CTTN: variants seen among roughly 807,000 people sequenced by gnomAD.
The protein encoded by CTTN is cortactin.
Under a neutral mutation model 84.0 loss-of-function variants are expected in CTTN, and 28 were observed. That is an observed-to-expected ratio of 0.33 (90% CI 0.25 to 0.46). The LOEUF (loss-of-function observed/expected upper bound fraction) is 0.46. CTTN is among the 20% of genes least tolerant of loss of function. The probability of loss-of-function intolerance (pLI) is 1.00; values close to 1 mark genes in which losing one functional copy is unlikely to be tolerated. For missense variants in CTTN, 641 were observed against 723.8 expected (o/e 0.89, Z 1.31); for synonymous variants, 301 against 288.8 (o/e 1.04, Z -0.43).
Position 70,432,050 on chromosome 11 carries a change from A to T in CTTN, c.1266+770A>T, listed in dbSNP as rs541010004. On this transcript the variant is annotated intron_variant, in intron 15 of 17. Transcript: ENST00000301843. ...GTCACACTCCAGACCATGGTAGTTC[A>T]GGAGCCCAGAGAGAGCCCTGGAGAC... Among the ~76,000 whole-genome samples the T allele has an allele frequency of 3.3e-5, 5 of 152,272 alleles. No individual in the cohort carries two copies. In the South Asian group the frequency reaches 8.3e-4, roughly 25 times the overall value.
chr11:70,415,586 A>T, intron 6 of CTTN, 77 bp from the exon 7 acceptor site: 1 of 1,272,548 alleles, frequency 7.9e-7, no homozygotes, highest in Non-Finnish European at 1.1e-6. Context: ...ATGTCATGTC[A>T]TGAATTCAGA....
rs1234055137 is a variant in CTTN, at chr11:70,420,464, T to G, written c.744T>G (p.Leu248=). The G allele has an allele frequency of 6.2e-7, 1 of 1,614,258 alleles. No individual in the cohort carries two copies. Among genetic ancestry groups the G allele is most frequent in the East Asian group, 2.2e-5 (1 of 44,888 alleles). The part of the protein sequence containing the change: ...VQTDRQDKCA[L]GWDHQEKLQL... ...CAGACAGACAAGACAAATGTGCCCT[T>G]GGCTGGGATCACCAGGAGAAATTGC... Residue 248 remains leucine (L), a synonymous_variant, in exon 10 of 18, where the codon CTT becomes CTG. Transcript: ENST00000301843.
chr11:70,430,255 CCTGTGCCTGCCACCTCACCCTCAGACT>C (rs1304904415), intron 14 of CTTN, among the ~76,000 whole-genome samples: 1 of 152,210 alleles, frequency 6.6e-6, no homozygotes, highest in East Asian at 1.9e-4. Context: ...GGCCAGTGTG[CCTGTGCCTGCCACCTCACCCTCAGACT>C]CAGCGTCTGG....
At chr11:70,422,378 TG>T in intron 11 of CTTN, 1 of 616,602 alleles carries the variant, frequency 1.6e-6, no homozygotes, top group Non-Finnish European at 2.6e-6. Flanking sequence ...GCAGACTGCA[TG>T]GAGATGGCAG....
intron 5 of CTTN, among the ~76,000 whole-genome samples, chr11:70,414,251 A>G (rs2058130886): frequency 6.6e-6 from 1 of 151,922 alleles, no homozygotes. Context: ...AGGCTGAGGC[A>G]GGAGAATGGC....
intron 5 of CTTN, among the ~76,000 whole-genome samples, chr11:70,412,672 G>A (rs1421811637): frequency 6.6e-6 from 1 of 152,138 alleles, no homozygotes; most frequent in Non-Finnish European, 1.5e-5. Flanking sequence ...CCTTTCCCTT[G>A]CGGCCAGCGG....
intron 7 of CTTN, 148 bp downstream of exon 7, chr11:70,415,865 C>A (rs989217512): frequency 2.8e-5 from 20 of 726,246 alleles, no homozygotes; most frequent in Non-Finnish European, 4.7e-5. Context: ...GTGGCTGTTG[C>A]CACAAGGAGG....
intron 5 of CTTN, among the ~76,000 whole-genome samples, chr11:70,410,976 C>T (rs1368563351): frequency 2.0e-5 from 3 of 152,106 alleles, no homozygotes; most frequent in East Asian, 1.9e-4. Context: ...CAAACCACGA[C>T]CATAAATAGC....
At position 70,435,906 on chromosome 11, in the gene CTTN, C is replaced by T. The variant is rs115120216; in HGVS notation, c.*744C>T. The T allele has an allele frequency of 1.1e-4, 157 of 1,471,712 alleles. No homozygotes were observed. The African/African-American group carries it at 1.8e-3, about 17-fold the overall frequency. 91.2% of individuals were successfully genotyped at this position (1,471,712 alleles called of 1,614,324 possible). A position where few individuals can be genotyped will look rare whatever the true frequency, so the allele number is the denominator to read the frequency against. On this transcript the variant is annotated 3_prime_UTR_variant, in exon 18 of 18. Coordinates refer to ENST00000301843, the MANE Select transcript of CTTN (RefSeq NM_005231.4). ...GTCCTTGAAATCCTCCCCTGCCCCGCGGGTCTCTGGATTGGGACGCACAGT... is the reference window on the plus strand; with the variant it reads ...GTCCTTGAAATCCTCCCCTGCCCCGTGGGTCTCTGGATTGGGACGCACAGT...
intron 4 of CTTN, chr11:70,407,871 T>C (rs2058060852): frequency 2.5e-6 from 1 of 408,012 alleles, no homozygotes; most frequent in African/African-American, 2.0e-5. Context: ...AGTGTCCGCT[T>C]CTCAGTATTG....
chr11:70,436,156 A>G lies in CTTN; in HGVS notation c.*994A>G, dbSNP rs2058415223. 6.8e-7 allele frequency: 1 copy of G among 1,460,856 alleles called. No homozygotes were observed. The highest frequency in any genetic ancestry group is 9.0e-7 in the Non-Finnish European group (1 of 1,114,268). 90.5% of individuals were successfully genotyped at this position (1,460,856 alleles called of 1,614,324 possible). On this transcript the variant is annotated 3_prime_UTR_variant, in exon 18 of 18. Coordinates refer to ENST00000301843, the MANE Select transcript of CTTN (RefSeq NM_005231.4). ...TATTTTTGCCAAAATATCATGTTCA[A>G]TTTCAGTAGTTTGATCAGTTGAAGG...
At chr11:70,430,675 T>G (rs1265352084) in intron 14 of CTTN, among the ~76,000 whole-genome samples, 3 of 152,214 alleles carry the variant, frequency 2.0e-5, no homozygotes, top group Non-Finnish European at 2.9e-5. Context: ...AGTTCATCCT[T>G]TGGCCCCTAA....
At chr11:70,400,118 T>A (rs1038243599) in intron 1 of CTTN, among the ~76,000 whole-genome samples, 6 of 152,208 alleles carry the variant, frequency 3.9e-5, no homozygotes, top group African/African-American at 1.4e-4. Flanking sequence ...GTTTTGATAT[T>A]AGGTCCCCTA....
intron 8 of CTTN, 96 bp downstream of exon 8, chr11:70,417,219 A>T: frequency 1.0e-6 from 1 of 956,118 alleles, no homozygotes; most frequent in Non-Finnish European, 1.7e-6. Context: ...TAGATTTTTT[A>T]ACTGAAAATG....
At chr11:70,398,972 C>G (rs1243188573) in intron 1 of CTTN, among the ~76,000 whole-genome samples, 1 of 137,132 alleles carries the variant, frequency 7.3e-6, no homozygotes, top group Non-Finnish European at 1.6e-5. Flanking sequence ...GGCTCCAGGG[C>G]AGGAGAGGGG....
At chr11:70,423,121 G>A in intron 12 of CTTN, 126 bp downstream of exon 12, 2 of 1,181,626 alleles carry the variant, frequency 1.7e-6, no homozygotes, top group Non-Finnish European at 1.2e-6. Flanking sequence ...CGTGGTGGTG[G>A]TGGTGGTGGC....
intron 1 of CTTN, among the ~76,000 whole-genome samples, chr11:70,404,838 A>G (rs879676120): frequency 4.6e-5 from 7 of 152,212 alleles, no homozygotes; most frequent in Non-Finnish European, 1.0e-4. Context: ...ACCCGTCTGT[A>G]CTAAAAATAG....
chr11:70,401,891 C>CT (rs1371217867), intron 1 of CTTN, among the ~76,000 whole-genome samples: 4 of 152,030 alleles, frequency 2.6e-5, no homozygotes, highest in Non-Finnish European at 5.9e-5. Context: ...TGGTTCGTGC[C>CT]TGTAATCCCA....
chr11:70,423,199 A>G (rs1591445270), intron 12 of CTTN, among the ~76,000 whole-genome samples: 1 of 151,614 alleles, frequency 6.6e-6, no homozygotes, highest in Non-Finnish European at 1.5e-5. Context: ...GCACCGGCCC[A>G]CCTCCTAACT....
Sources: allele counts gnomAD v4.1 joint callset (sites outside exome capture counted in the v4.1 genomes callset), GRCh38; gene constraint gnomAD v4.1.1; transcripts MANE v1.5; gene names NCBI Gene and HGNC (gene_info 2026-07-23, HGNC 2026-07-21).